TIAM2: variants seen among roughly 807,000 people sequenced by gnomAD.
The protein encoded by TIAM2 is TIAM Rac1 associated GEF 2.
TIAM2 carries 80 observed loss-of-function variants against 152.9 expected under a neutral mutation model. The ratio of observed to expected loss-of-function variants is 0.52; its 90% CI spans 0.44 to 0.63. The LOEUF (loss-of-function observed/expected upper bound fraction) is 0.63, where lower values mean the gene tolerates loss of function less well. TIAM2 is among the 30% of genes least tolerant of loss of function. The probability of loss-of-function intolerance (pLI) is 0.00; values close to 1 mark genes in which losing one functional copy is unlikely to be tolerated. For missense variants in TIAM2, 1,965 were observed against 2,120.1 expected (o/e 0.93, Z 1.44); for synonymous variants, 804 against 838.0 (o/e 0.96, Z 0.70).
rs11306248 is a variant in TIAM2, at chr6:155,149,919, T to TAA, written c.2028+1597_2028+1598dup. Among the ~76,000 whole-genome samples, 351 of 134,092 alleles carry TAA rather than the reference T, an allele frequency of 2.6e-3. 1 individual carries two copies. The highest frequency in any genetic ancestry group is 4.7e-3 in the Non-Finnish European group (292 of 61,784). The allele number at this position is 134,092 out of a possible 152,430, so 88.0% of individuals were successfully genotyped here. A position where few individuals can be genotyped will look rare whatever the true frequency, so the allele number is the denominator to read the frequency against. ...CCTGGGGGAAGAGTGAGACTCTGTA[T>TAA]AAAAAAAAAAAAAGAATTCAGCATG... On this transcript the variant is annotated intron_variant, in intron 7 of 26. Coordinates refer to ENST00000682666, the MANE Select transcript of TIAM2 (RefSeq NM_012454.4).
At chr6:155,206,247 A>G (rs1781591388) in intron 14 of TIAM2, among the ~76,000 whole-genome samples, 1 of 151,862 alleles carries the variant, frequency 6.6e-6, no homozygotes, top group Non-Finnish European at 1.5e-5. Flanking sequence ...TGTCCACAGC[A>G]TGGTTTTTTT....
Position 155,200,386 on chromosome 6 carries a change from G to T in TIAM2, c.3065-10818G>T, listed in dbSNP as rs1182043167. ...ATTTGTTTCTTTGGAACCCTCTTAT[G>T]GTGGAGTTTTGCTGTTAATTCTAAT... On this transcript the variant is annotated intron_variant, in intron 14 of 26. Coordinates refer to ENST00000682666, the MANE Select transcript of TIAM2 (RefSeq NM_012454.4). Among the ~76,000 whole-genome samples, 4 of 152,176 alleles carry T rather than the reference G, an allele frequency of 2.6e-5. No homozygotes were observed. In the East Asian group the frequency reaches 7.7e-4, roughly 29 times the overall value.
At chr6:155,029,422 T>TATTATATATA (rs1776749362) in intron 1 of TIAM2, among the ~76,000 whole-genome samples, 2 of 77,414 alleles carry the variant, frequency 2.6e-5, no homozygotes, top group African/African-American at 9.8e-5. Context: ...ATATACTATA[T>TATTATATATA]ATACTATAGT....
intron 2 of TIAM2, among the ~76,000 whole-genome samples, chr6:155,114,585 AT>A (rs1778967789): frequency 6.6e-6 from 1 of 152,144 alleles, no homozygotes; most frequent in Non-Finnish European, 1.5e-5. Context: ...AGAAAACAAA[AT>A]TCTCATTTGC....
At position 155,253,067 on chromosome 6, in the gene TIAM2, G is replaced by GCAGTATGATGCCA; in HGVS notation, c.4225+15_4225+27dup. 1 of 1,603,316 alleles carries GCAGTATGATGCCA rather than the reference G, an allele frequency of 6.2e-7. No individual in the cohort carries two copies. Among genetic ancestry groups the GCAGTATGATGCCA allele is most frequent in the South Asian group, 1.1e-5 (1 of 90,654 alleles). On this transcript the variant is annotated intron_variant, in intron 24 of 26. Coordinates refer to ENST00000682666, the MANE Select transcript of TIAM2 (RefSeq NM_012454.4). Reference sequence around the variant, plus strand: ...GGAATCCAGCAGGTAACTGTTTCGTGCAGTATGATGCCAGAAAAAGCATTT... The same window carrying GCAGTATGATGCCA: ...GGAATCCAGCAGGTAACTGTTTCGTGCAGTATGATGCCACAGTATGATGCCAGAAAAAGCATTT...
chr6:155,038,105 A>G (rs1776955948), intron 1 of TIAM2, among the ~76,000 whole-genome samples: 1 of 152,214 alleles, frequency 6.6e-6, no homozygotes, highest in African/African-American at 2.4e-5. Context: ...GAAGGGCACA[A>G]ATCATGGTGT....
chr6:155,179,085 T>G lies in TIAM2; in HGVS notation c.2570T>G (p.Leu857Ter). The G allele has an allele frequency of 1.2e-6, 2 of 1,614,186 alleles. No individual in the cohort carries two copies. The highest frequency in any genetic ancestry group is 1.7e-6 in the Non-Finnish European group (2 of 1,180,016). Residue 857 changes from leucine to a stop codon, truncating the protein, a stop_gained, in exon 11 of 27, where the codon TTA becomes TGA. Coordinates refer to ENST00000682666, the MANE Select transcript of TIAM2 (RefSeq NM_012454.4). LOFTEE classifies it high-confidence loss of function. ...CATTATGGCCTACAGCTTCGAAAAT[T>G]AGTAGATGACAATGTTGAGTATTGC... The part of the protein sequence containing the change: ...PSHYGLQLRK[L>*]VDDNVEYCIP...
chr6:155,136,370 G>A (rs1325463542), intron 4 of TIAM2, among the ~76,000 whole-genome samples: 2 of 151,516 alleles, frequency 1.3e-5, no homozygotes, highest in South Asian at 2.1e-4. Flanking sequence ...TGCCTTCCAG[G>A]TTCAGGTGAT....
At chr6:155,027,788 T>A (rs1776640796) in intron 1 of TIAM2, among the ~76,000 whole-genome samples, 1 of 88,860 alleles carries the variant, frequency 1.1e-5, no homozygotes, top group Non-Finnish European at 2.1e-5. Context: ...ATATATGTAC[T>A]GTGTTACATA....
intron 1 of TIAM2, among the ~76,000 whole-genome samples, chr6:155,051,982 T>C (rs1777330497): frequency 1.3e-5 from 2 of 151,796 alleles, no homozygotes; most frequent in South Asian, 4.2e-4. Context: ...AAATCTCCCC[T>C]CTTTTAAAGA....
chr6:155,169,702 G>A (rs1024507571), intron 9 of TIAM2, among the ~76,000 whole-genome samples: 1 of 152,086 alleles, frequency 6.6e-6, no homozygotes, highest in Non-Finnish European at 1.5e-5. Flanking sequence ...TCCTCAGAAT[G>A]ATTTCTGAAT....
At chr6:155,177,027 A>G in intron 10 of TIAM2, 50 bp downstream of exon 10, 1 of 1,567,128 alleles carries the variant, frequency 6.4e-7, no homozygotes, top group South Asian at 1.2e-5. Context: ...ATAATCATTA[A>G]TGTTGCAATC....
rs374223997 is a variant in TIAM2, at chr6:155,164,463, A to C, written c.2077A>C (p.Arg693=). ...TGAGAAATTTCACATGGATCTGTTC[A>C]GGATGCGCTGCTATCTGGCCAGCCT... ...NLEKFHMDLF[R]MRCYLASLQG... The change falls in exon 8 of 27, where the codon AGG becomes CGG. Residue 693 remains arginine, a synonymous_variant. Coordinates refer to ENST00000682666, the MANE Select transcript of TIAM2 (RefSeq NM_012454.4). The C allele has an allele frequency of 1.2e-6, 2 of 1,614,082 alleles. No individual in the cohort carries two copies. The highest frequency in any genetic ancestry group is 1.1e-5 in the South Asian group (1 of 91,068).
At chr6:155,062,693 C>T (rs1201702482) in intron 1 of TIAM2, among the ~76,000 whole-genome samples, 1 of 151,844 alleles carries the variant, frequency 6.6e-6, no homozygotes, top group African/African-American at 2.4e-5. Flanking sequence ...ATTCTCCTGC[C>T]TCAGCCTCCC....
intron 7 of TIAM2, among the ~76,000 whole-genome samples, chr6:155,163,116 C>T (rs1175625728): frequency 1.3e-5 from 2 of 152,140 alleles, no homozygotes; most frequent in African/African-American, 4.8e-5. Flanking sequence ...ATGAAGGATT[C>T]ACCTAGAAAG....
chr6:155,250,535 C>T (rs888729565), intron 21 of TIAM2: 1 of 1,535,738 alleles, frequency 6.5e-7, no homozygotes, highest in Non-Finnish European at 8.7e-7. Flanking sequence ...GCTCTTTTAT[C>T]AGCAGCCCGA....
chr6:155,162,972 C>T (rs1373882536), intron 7 of TIAM2, among the ~76,000 whole-genome samples: 1 of 152,118 alleles, frequency 6.6e-6, no homozygotes, highest in Non-Finnish European at 1.5e-5. Flanking sequence ...CAGCGACCAA[C>T]CTAAGAAATA....
chr6:155,191,208 A>G (rs764832982), intron 14 of TIAM2, among the ~76,000 whole-genome samples: 4 of 152,194 alleles, frequency 2.6e-5, no homozygotes, highest in Non-Finnish European at 5.9e-5. Flanking sequence ...GACCTGGTTC[A>G]GGTCCTGGCT....
At chr6:155,165,223 C>G in intron 8 of TIAM2, 40 bp from the exon 9 acceptor site, 1 of 1,575,076 alleles carries the variant, frequency 6.3e-7, no homozygotes, top group East Asian at 2.3e-5. Context: ...CACTCAAATA[C>G]TAAGCCTTTA....
Sources: gnomAD v4.1 joint callset for allele counts (sites outside exome capture counted in the v4.1 genomes callset) on GRCh38, gnomAD v4.1.1 for gene constraint, MANE v1.5 for transcripts, NCBI Gene and HGNC (gene_info 2026-07-23, HGNC 2026-07-21) for gene names.